CDH8: variants seen among roughly 807,000 people sequenced by gnomAD.
CDH8 encodes the protein cadherin-8.
Under a neutral mutation model 68.1 loss-of-function variants are expected in CDH8, and 17 were observed. That is an observed-to-expected ratio of 0.25 (90% CI 0.17 to 0.37). The LOEUF (loss-of-function observed/expected upper bound fraction) is 0.37. Ranked by LOEUF, CDH8 falls within the 10% of genes least tolerant of loss-of-function variation. CDH8 has a pLI of 1.00. For synonymous variants in CDH8, 372 were observed against 365.1 expected (o/e 1.02, Z -0.21); for missense variants, 763 against 999.3 (o/e 0.76, Z 3.19).
At chr16:61,949,987 TA>T (rs111704119) in intron 2 of CDH8, among the ~76,000 whole-genome samples, 1,695 of 143,592 alleles carry the variant, frequency 0.012, 16 homozygotes, top group African/African-American at 0.029. Context: ...GACCCTGTCT[TA>T]AAAAAAAAAA....
intron 3 of CDH8, among the ~76,000 whole-genome samples, chr16:61,888,084 G>C (rs550409582): frequency 6.6e-6 from 1 of 152,276 alleles, no homozygotes; most frequent in South Asian, 2.1e-4. Flanking sequence ...ATCAGGCACT[G>C]GGCTCTTGCA....
chr16:61,653,831 T>C lies in CDH8; in HGVS notation c.2177A>G (p.Asn726Ser). ...ATTATCTGCCTCATGCAGCCTTACA[T>C]TTATAAATTCATCGACATCAACACC... ...PNGVDVDEFI[N>S]VRLHEADNDP... The change falls in exon 12 of 12, where the codon AAT becomes AGT. Residue 726 changes from asparagine to serine, a missense_variant. Asn to Ser is a conservative substitution (Grantham distance 46). This residue lies in a region of CDH8 where 397 missense variants were observed against 436.2 expected (regional missense o/e 0.91). Coordinates refer to ENST00000577390, the MANE Select transcript of CDH8 (RefSeq NM_001796.5). 1 of 1,614,168 alleles carries C rather than the reference T, an allele frequency of 6.2e-7. No homozygotes were observed. The highest frequency in any genetic ancestry group is 8.5e-7 in the Non-Finnish European group (1 of 1,180,036).
intron 8 of CDH8, among the ~76,000 whole-genome samples, chr16:61,736,021 C>T (rs1459424450): frequency 1.3e-5 from 2 of 151,136 alleles, no homozygotes; most frequent in Non-Finnish European, 2.9e-5. Context: ...TGTAGTGAGC[C>T]GAGATCATGC....
intron 2 of CDH8, among the ~76,000 whole-genome samples, chr16:62,004,897 T>A (rs1047104030): frequency 6.6e-6 from 1 of 152,194 alleles, no homozygotes; most frequent in Middle Eastern, 3.2e-3. Context: ...GCTGACCCTT[T>A]TATAAAATTT....
chr16:61,862,183 T>A lies in CDH8; in HGVS notation c.548-4945A>T, dbSNP rs1035947675. On this transcript the variant is annotated intron_variant, in intron 3 of 11. Transcript: ENST00000577390. ...CACACACACACAGTATCTCATTATC[T>A]CATTCTTCCATCCAGTCTACTAATC... Among the ~76,000 whole-genome samples the A allele has an allele frequency of 1.5e-4, 23 of 151,620 alleles. No individual in the cohort carries two copies. In the East Asian group the frequency reaches 4.5e-3, roughly 30 times the overall value.
intron 2 of CDH8, among the ~76,000 whole-genome samples, chr16:62,011,507 T>A (rs1433030540): frequency 1.3e-5 from 2 of 152,172 alleles, no homozygotes; most frequent in South Asian, 2.1e-4. Context: ...TGACCCTTTT[T>A]TAAAATTGGG....
At chr16:61,712,764 A>G (rs899257860) in intron 10 of CDH8, among the ~76,000 whole-genome samples, 5 of 151,624 alleles carry the variant, frequency 3.3e-5, no homozygotes, top group Admixed American at 1.3e-4. Context: ...AACAACTGTC[A>G]TTTCCTTTTT....
At chr16:61,777,977 T>A (rs16963952) in intron 8 of CDH8, among the ~76,000 whole-genome samples, 60,371 of 151,896 alleles carry the variant, frequency 0.4, 12,362 homozygotes, top group African/African-American at 0.48. Context: ...TCTCCAGCTT[T>A]GAGAACCTGC....
chr16:62,018,215 A>G (rs1020474289), intron 2 of CDH8, among the ~76,000 whole-genome samples: 3 of 152,176 alleles, frequency 2.0e-5, no homozygotes, highest in Admixed American at 6.5e-5. Context: ...CTTTCTCAGC[A>G]TCCAGCTGCC....
chr16:61,958,176 C>T (rs1965018419), intron 2 of CDH8, among the ~76,000 whole-genome samples: 2 of 152,108 alleles, frequency 1.3e-5, no homozygotes, highest in Admixed American at 1.3e-4. Context: ...GAAAGCCAAG[C>T]CAACCTGCAT....
Position 61,996,672 on chromosome 16 carries a change from A to ATTTTGAAAATTAATT in CDH8, c.252+24479_252+24480insAATTAATTTTCAAAA, listed in dbSNP as rs2150593285. Reference sequence around the variant, plus strand: ...CAATTAATAAAATGATTTTCAAAACACAAATTAAATTATATTATATCAATC... The same window carrying ATTTTGAAAATTAATT: ...CAATTAATAAAATGATTTTCAAAACATTTTGAAAATTAATTCAAATTAAATTATATTATATCAATC... On this transcript the variant is annotated intron_variant, in intron 2 of 11. Coordinates refer to ENST00000577390, the MANE Select transcript of CDH8 (RefSeq NM_001796.5). Among the ~76,000 whole-genome samples the ATTTTGAAAATTAATT allele has an allele frequency of 2.0e-5, 3 of 152,312 alleles. No individual in the cohort carries two copies. The South Asian group carries it at 6.2e-4, about 32-fold the overall frequency.
chr16:61,651,996 T>A lies in CDH8; in HGVS notation c.*1612A>T. The A allele has an allele frequency of 1.3e-6, 1 of 749,866 alleles. No homozygotes were observed. Among genetic ancestry groups the A allele is most frequent in the Non-Finnish European group, 1.6e-6 (1 of 615,390 alleles). The allele number at this position is 749,866 out of a possible 1,614,324, so 46.5% of individuals were successfully genotyped here. A position where few individuals can be genotyped will look rare whatever the true frequency, so the allele number is the denominator to read the frequency against. ...GATCTTCCACTGATTGAAAAAAAAA[T>A]TAATGACAACAAAGGTATTTATAAA... On this transcript the variant is annotated 3_prime_UTR_variant, in exon 12 of 12. Coordinates refer to ENST00000577390, the MANE Select transcript of CDH8 (RefSeq NM_001796.5).
chr16:61,820,805 C>A, intron 6 of CDH8, 121 bp downstream of exon 6: 1 of 749,456 alleles, frequency 1.3e-6, no homozygotes, highest in Non-Finnish European at 2.2e-6. Context: ...TGTCTTACTG[C>A]TCAAAGCTAA....
At chr16:61,845,982 G>A (rs976761707) in intron 4 of CDH8, among the ~76,000 whole-genome samples, 3 of 151,990 alleles carry the variant, frequency 2.0e-5, no homozygotes, top group Non-Finnish European at 4.4e-5. Flanking sequence ...CCTACAGATC[G>A]GTACTTAAAC....
chr16:61,707,292 A>C (rs760018861), intron 10 of CDH8, among the ~76,000 whole-genome samples: 1 of 152,222 alleles, frequency 6.6e-6, no homozygotes, highest in Non-Finnish European at 1.5e-5. Context: ...TTTGTACATC[A>C]TTTAAATTTT....
intron 9 of CDH8, among the ~76,000 whole-genome samples, chr16:61,719,085 G>T (rs1959199245): frequency 6.7e-6 from 1 of 150,054 alleles, no homozygotes; most frequent in Admixed American, 6.7e-5. Context: ...TTGCTACCAA[G>T]ATTTTTATTC....
chr16:61,834,012 G>A (rs572471483), intron 4 of CDH8, among the ~76,000 whole-genome samples: 3 of 151,810 alleles, frequency 2.0e-5, no homozygotes, highest in African/African-American at 4.8e-5. Flanking sequence ...AGAACCTAAC[G>A]CAATCCCTGG....
chr16:61,879,831 G>A (rs1215152600), intron 3 of CDH8, among the ~76,000 whole-genome samples: 3 of 152,156 alleles, frequency 2.0e-5, no homozygotes, highest in African/African-American at 7.2e-5. Context: ...CCTTATGGGA[G>A]AGTAGAAATA....
Position 61,722,380 on chromosome 16 carries a change from T to A in CDH8, c.1536+4714A>T, listed in dbSNP as rs967320883. 2.0e-5 allele frequency among the ~76,000 whole-genome samples: 3 copies of A among 150,912 alleles called. No individual in the cohort carries two copies. In the East Asian group the frequency reaches 5.8e-4, roughly 29 times the overall value. On this transcript the variant is annotated intron_variant, in intron 9 of 11. Transcript: ENST00000577390. ...TCCTCTGTCTAGTTGCTTGAATATT[T>A]ATTTCAAACCAGTTTTCAAAATTTT...
Sources: allele counts gnomAD v4.1 joint callset (sites outside exome capture counted in the v4.1 genomes callset), GRCh38; gene constraint gnomAD v4.1.1; regional missense constraint gnomAD v4.1.1; transcripts MANE v1.5; gene names NCBI Gene and HGNC (gene_info 2026-07-23, HGNC 2026-07-21).